ORC2: variants seen among roughly 807,000 people sequenced by gnomAD.
ORC2 encodes origin recognition complex subunit 2.
In ORC2, 37 loss-of-function variants were observed where a neutral mutation model predicts 77.7. The observed-to-expected ratio is 0.48, with a 90% CI of 0.37 to 0.63. ORC2 has a LOEUF of 0.63. Ranked by LOEUF, ORC2 falls within the 20% of genes least tolerant of loss-of-function variation. ORC2 has a pLI of 0.00. For missense variants in ORC2, 557 were observed against 661.9 expected, an observed-to-expected ratio of 0.84 and a Z score of 1.74; for synonymous variants, 201 against 229.5, an observed-to-expected ratio of 0.88 and a Z score of 1.12.
Position 200,963,597 on chromosome 2 carries a change from A to G in ORC2, c.-167T>C, listed in dbSNP as rs2041624205. On this transcript the variant is annotated 5_prime_UTR_variant, in exon 1 of 18. Coordinates refer to ENST00000234296, the MANE Select transcript of ORC2 (RefSeq NM_006190.5). Reference sequence around the variant, plus strand: ...ACCTTCGGCCCCAACGGGAAAAGCCAATTTCCAGTAATTCGCGCCCGACCA... The same window carrying G: ...ACCTTCGGCCCCAACGGGAAAAGCCGATTTCCAGTAATTCGCGCCCGACCA... 1.0e-5 allele frequency: 4 copies of G among 398,420 alleles called. No homozygotes were observed. The highest frequency in any genetic ancestry group is 2.1e-5 in the African/African-American group (1 of 48,638). 24.7% of individuals were successfully genotyped at this position (398,420 alleles called of 1,614,324 possible).
At chr2:200,941,553 CTGAATTAT>C (rs536735976) in intron 6 of ORC2, among the ~76,000 whole-genome samples, 95 of 151,018 alleles carry the variant, frequency 6.3e-4, no homozygotes, top group African/African-American at 2.1e-3. Context: ...CACATTATTA[CTGAATTAT>C]AAATTAATTC....
At chr2:200,960,962 A>T (rs2041559445) in intron 1 of ORC2, among the ~76,000 whole-genome samples, 1 of 151,934 alleles carries the variant, frequency 6.6e-6, no homozygotes, top group South Asian at 2.1e-4. Flanking sequence ...TTTTTAGTAG[A>T]GATGGGGTTT....
At chr2:200,950,464 T>C (rs1285776517) in intron 4 of ORC2, among the ~76,000 whole-genome samples, 2 of 152,196 alleles carry the variant, frequency 1.3e-5, no homozygotes, top group African/African-American at 4.8e-5. Flanking sequence ...ATTTCCAACA[T>C]GTGGCCTGAG....
chr2:200,911,747 TAC>T (rs1254790533), intron 17 of ORC2, among the ~76,000 whole-genome samples: 1 of 152,192 alleles, frequency 6.6e-6, no homozygotes, highest in Non-Finnish European at 1.5e-5. Flanking sequence ...AAATATTTAA[TAC>T]ATTCAAGTGT....
At position 200,909,820 on chromosome 2, in the gene ORC2, G is replaced by C. The variant is rs2124915553; in HGVS notation, c.*1481C>G. 1 of 149,712 alleles carries C rather than the reference G, an allele frequency of 6.7e-6. No individual in the cohort carries two copies. Among genetic ancestry groups the C allele is most frequent in the Non-Finnish European group, 1.5e-5 (1 of 67,776 alleles). 9.3% of individuals were successfully genotyped at this position (149,712 alleles called of 1,614,324 possible). A position where few individuals can be genotyped will look rare whatever the true frequency, so the allele number is the denominator to read the frequency against. On this transcript the variant is annotated 3_prime_UTR_variant, in exon 18 of 18. Coordinates refer to ENST00000234296, the MANE Select transcript of ORC2 (RefSeq NM_006190.5). ...CTCTGCACCCAGACTGAAGTGCAGT[G>C]GCACAATCATAGCTCACTGTAATCT...
intron 11 of ORC2, among the ~76,000 whole-genome samples, 157 bp downstream of exon 11, chr2:200,931,182 T>C (rs2040932169): frequency 6.6e-6 from 1 of 152,200 alleles, no homozygotes; most frequent in Non-Finnish European, 1.5e-5. Flanking sequence ...GTGACATTTC[T>C]ATATCTGAGT....
intron 5 of ORC2, among the ~76,000 whole-genome samples, chr2:200,943,958 G>C (rs1013530533): frequency 6.6e-6 from 1 of 151,902 alleles, no homozygotes; most frequent in African/African-American, 2.4e-5. Context: ...CTCAGTCCTT[G>C]CTCTTCTCTT....
intron 2 of ORC2, among the ~76,000 whole-genome samples, chr2:200,958,483 T>C (rs71424277): frequency 6.6e-6 from 1 of 151,644 alleles, no homozygotes; most frequent in African/African-American, 2.4e-5. Context: ...AGAAAGGGGG[T>C]GGTTAATACA....
intron 1 of ORC2, among the ~76,000 whole-genome samples, chr2:200,962,369 C>G (rs2041596123): frequency 6.6e-6 from 1 of 152,162 alleles, no homozygotes; most frequent in African/African-American, 2.4e-5. Flanking sequence ...CCTTTGAAAA[C>G]AAATAAAAGA....
chr2:200,928,585 G>A (rs1413623313), intron 11 of ORC2, among the ~76,000 whole-genome samples: 1 of 151,762 alleles, frequency 6.6e-6, no homozygotes, highest in African/African-American at 2.4e-5. Flanking sequence ...AGGCCGAGGC[G>A]GGCGGATCAC....
chr2:200,913,715 G>A (rs986715326), intron 16 of ORC2: 21 of 1,358,576 alleles, frequency 1.5e-5, no homozygotes, highest in African/African-American at 6.0e-5. Context: ...TTAAAAGTAA[G>A]CTGGGTTTGT....
intron 15 of ORC2, among the ~76,000 whole-genome samples, chr2:200,917,651 T>C (rs1265778941): frequency 2.0e-5 from 3 of 152,156 alleles, no homozygotes; most frequent in Non-Finnish European, 2.9e-5. Flanking sequence ...GCATGTATAA[T>C]AGTGAAATCC....
intron 4 of ORC2, among the ~76,000 whole-genome samples, chr2:200,957,195 T>C (rs1256359911): frequency 6.6e-6 from 1 of 152,178 alleles, no homozygotes; most frequent in Non-Finnish European, 1.5e-5. Context: ...GAGTGGTTGG[T>C]CTATAGATTC....
intron 5 of ORC2, among the ~76,000 whole-genome samples, chr2:200,945,534 G>A (rs969169583): frequency 4.0e-5 from 6 of 151,862 alleles, no homozygotes; most frequent in Non-Finnish European, 8.8e-5. Flanking sequence ...TACACCACAC[G>A]TTCCAGCCGG....
At chr2:200,927,924 G>A (rs2040871342) in intron 11 of ORC2, among the ~76,000 whole-genome samples, 1 of 151,496 alleles carries the variant, frequency 6.6e-6, no homozygotes, top group Admixed American at 6.6e-5. Context: ...TTGACCTCAG[G>A]TGATGTGCCT....
intron 11 of ORC2, among the ~76,000 whole-genome samples, chr2:200,930,101 A>C (rs560683315): frequency 2.4e-4 from 37 of 152,230 alleles, no homozygotes; most frequent in African/African-American, 8.9e-4. Context: ...CAGAACACCA[A>C]GCACTAGAGG....
chr2:200,913,934 T>G lies in ORC2; in HGVS notation c.1525A>C (p.Ile509Leu). The G allele has an allele frequency of 1.9e-6, 3 of 1,586,342 alleles. No individual in the cohort carries two copies. The highest frequency in any genetic ancestry group is 2.6e-6 in the Non-Finnish European group (3 of 1,171,882). The part of the protein sequence containing the change: ...QLDNQDNPSY[I>L]GLSFQDFYQQ... Reference sequence around the variant, plus strand: ...GAATGTCATAAATATTGGATACCAATGTAAGAAGGGTTATCCTGGTTGTCC... The same window carrying G: ...GAATGTCATAAATATTGGATACCAAGGTAAGAAGGGTTATCCTGGTTGTCC... The change falls in exon 16 of 18, where the codon ATT becomes CTT. Residue 509 changes from isoleucine (I) to leucine (L), a missense_variant. By Grantham distance (5) the Ile-to-Leu change is conservative. Transcript: ENST00000234296.
intron 15 of ORC2, among the ~76,000 whole-genome samples, chr2:200,918,728 A>T (rs1276321692): frequency 1.3e-5 from 2 of 152,078 alleles, no homozygotes; most frequent in African/African-American, 4.8e-5. Context: ...ACTTCAAGTG[A>T]TCCACCCGCT....
intron 4 of ORC2, among the ~76,000 whole-genome samples, chr2:200,957,073 G>T (rs1212609998): frequency 6.6e-6 from 1 of 152,156 alleles, no homozygotes; most frequent in Non-Finnish European, 1.5e-5. Flanking sequence ...TTAAAACCTA[G>T]ATGATGGGTT....
Sources: allele counts gnomAD v4.1 joint callset (sites outside exome capture counted in the v4.1 genomes callset), GRCh38; gene constraint gnomAD v4.1.1; transcripts MANE v1.5; gene names NCBI Gene and HGNC (gene_info 2026-07-23, HGNC 2026-07-21).